The following CAPRIN1 variants were observed in gnomAD, a reference collection of about 807,000 sequenced individuals.
CAPRIN1 encodes the protein cell cycle associated protein 1, also known as caprin-1.
A neutral mutation model predicts 100.9 loss-of-function variants in CAPRIN1; 29 were observed. That is an observed-to-expected ratio of 0.29 (90% CI 0.21 to 0.39). The LOEUF is 0.39. Ranked by LOEUF, CAPRIN1 falls within the 10% of genes least tolerant of loss-of-function variation. The probability of loss-of-function intolerance (pLI) is 1.00; values close to 1 mark genes in which losing one functional copy is unlikely to be tolerated. For missense variants in CAPRIN1, 795 were observed against 876.7 expected (o/e 0.91, Z 1.18); for synonymous variants, 338 against 307.5 (o/e 1.10, Z -1.04).
chr11:34,096,745 T>G (rs1851374800), intron 16 of CAPRIN1, 72 bp downstream of exon 16: 1 of 1,198,958 alleles, frequency 8.3e-7, no homozygotes, highest in Non-Finnish European at 1.2e-6. Flanking sequence ...GTAAAATATA[T>G]CACACAGTTT....
In CAPRIN1 at chr11:34,101,899, CT is replaced by C. The variant is rs1172876050; in HGVS notation, c.*2536del. On this transcript the variant is annotated 3_prime_UTR_variant, in exon 19 of 19. Coordinates refer to ENST00000341394, the MANE Select transcript of CAPRIN1 (RefSeq NM_005898.5). ...GTGTAGCAAGCTCACATACAAAATA[CT>C]TTTGTATATGCATAATATAAATCAT... 1.3e-5 allele frequency among the ~76,000 whole-genome samples: 2 copies of C among 152,086 alleles called. No individual in the cohort carries two copies. Among genetic ancestry groups the C allele is most frequent in the African/African-American group, 2.4e-5 (1 of 41,422 alleles).
At position 34,082,989 on chromosome 11, in the gene CAPRIN1, TCAC is replaced by T. The variant is rs763988553; in HGVS notation, c.917_919del (p.Thr306del). The T allele has an allele frequency of 2.5e-6, 4 of 1,614,052 alleles. No homozygotes were observed. The African/African-American group carries it at 5.3e-5, about 22-fold the overall frequency. On this transcript the variant is annotated inframe_deletion, in exon 9 of 19. Transcript: ENST00000341394. Reference sequence around the variant, plus strand: ...AGACAGTTCATGGCAGAAACACAGTTCACCAGTGGTGAAAAGGAGCAGGTAGAT... The same window carrying T: ...AGACAGTTCATGGCAGAAACACAGTTCAGTGGTGAAAAGGAGCAGGTAGAT...
At chr11:34,090,729 T>C in intron 14 of CAPRIN1, 51 bp downstream of exon 14, 2 of 1,542,936 alleles carry the variant, frequency 1.3e-6, no homozygotes, top group Non-Finnish European at 1.8e-6. Flanking sequence ...TGAATCATGG[T>C]AGATTTTCTT....
intron 7 of CAPRIN1, among the ~76,000 whole-genome samples, chr11:34,081,947 T>C (rs1851040614): frequency 6.6e-6 from 1 of 150,938 alleles, no homozygotes; most frequent in Non-Finnish European, 1.5e-5. Context: ...CAGTAGCTGG[T>C]ATTACAGGCA....
intron 2 of CAPRIN1, among the ~76,000 whole-genome samples, chr11:34,062,624 CAAAAAAAAAA>C (rs36059851): frequency 9.9e-6 from 1 of 100,602 alleles, no homozygotes; most frequent in Non-Finnish European, 2.1e-5. Flanking sequence ...AACTCCGTCT[CAAAAAAAAAA>C]AAAAAAAAGG....
In CAPRIN1 at chr11:34,101,078, C is replaced by G. The variant is rs1292942231; in HGVS notation, c.*1711C>G. ...GATAGGCTGTTGAACATTCCACATTCAAAAGTTTTGTAGGGTGGTGGGAAA... is the reference window on the plus strand; with the variant it reads ...GATAGGCTGTTGAACATTCCACATTGAAAAGTTTTGTAGGGTGGTGGGAAA... On this transcript the variant is annotated 3_prime_UTR_variant, in exon 19 of 19. Transcript: ENST00000341394. 1 of 152,504 alleles carries G rather than the reference C, an allele frequency of 6.6e-6. No homozygotes were observed. Among genetic ancestry groups the G allele is most frequent in the Non-Finnish European group, 1.5e-5 (1 of 68,006 alleles). The allele number at this position is 152,504 out of a possible 1,614,324, so 9.4% of individuals were successfully genotyped here.
chr11:34,053,249 T>TCGCATGGGC, intron 2 of CAPRIN1: 2 of 631,744 alleles, frequency 3.2e-6, no homozygotes, highest in Non-Finnish European at 3.9e-6. Flanking sequence ...CCCGCGCCCA[T>TCGCATGGGC]GCGATGGGCT....
chr11:34,088,949 GTTTA>G (rs1194281668), intron 11 of CAPRIN1, among the ~76,000 whole-genome samples: 6 of 152,012 alleles, frequency 3.9e-5, no homozygotes, highest in African/African-American at 9.7e-5. Flanking sequence ...TTGCTAAAAA[GTTTA>G]TTTATGGTTT....
rs182538694 is a variant in CAPRIN1, at chr11:34,099,645, T to C, written c.*278T>C. The C allele has an allele frequency of 1.1e-3, 432 of 403,430 alleles. 2 individuals carry two copies. Among genetic ancestry groups the C allele is most frequent in the Non-Finnish European group, 1.4e-3 (311 of 224,350 alleles). The allele number at this position is 403,430 out of a possible 1,614,324, so 25.0% of individuals were successfully genotyped here. Reference sequence around the variant, plus strand: ...ACCCTTGCTTAGGAGTAAAACAATATACTTTACAGGGTGATAATAATCTCC... The same window carrying C: ...ACCCTTGCTTAGGAGTAAAACAATACACTTTACAGGGTGATAATAATCTCC... On this transcript the variant is annotated 3_prime_UTR_variant, in exon 19 of 19. Coordinates refer to ENST00000341394, the MANE Select transcript of CAPRIN1 (RefSeq NM_005898.5).
intron 2 of CAPRIN1, among the ~76,000 whole-genome samples, chr11:34,053,897 A>G (rs1225260824): frequency 5.3e-5 from 8 of 152,240 alleles, no homozygotes; most frequent in Non-Finnish European, 1.5e-5. Flanking sequence ...TTTACCTTAT[A>G]AAGTAAAATG....
In CAPRIN1 at chr11:34,090,276, T is replaced by C. The variant is rs200510548; in HGVS notation, c.1391T>C (p.Ile464Thr). 6 of 1,612,482 alleles carry C rather than the reference T, an allele frequency of 3.7e-6. No individual in the cohort carries two copies. In the Admixed American group the frequency reaches 8.3e-5, roughly 22 times the overall value. ...GAGCAACGACCACAGAAGGAACCAA[T>C]TGATCAGATTCAGGCAAGTTCTGTT... ...ATEQRPQKEP[I>T]DQIQATISLN... The change falls in exon 13 of 19, where the codon ATT (isoleucine) becomes ACT (threonine). Residue 464 changes from isoleucine to threonine, a missense_variant. This residue lies in a region of CAPRIN1 where 648 missense variants were observed against 697.9 expected (regional missense o/e 0.93). Coordinates refer to ENST00000341394, the MANE Select transcript of CAPRIN1 (RefSeq NM_005898.5).
intron 7 of CAPRIN1, 48 bp downstream of exon 7, chr11:34,079,813 T>G: frequency 6.4e-7 from 1 of 1,560,704 alleles, no homozygotes. Flanking sequence ...CTGGTTTTAT[T>G]TGATTTTGCT....
intron 4 of CAPRIN1, 127 bp from the exon 5 acceptor site, chr11:34,076,109 C>T: frequency 1.6e-6 from 1 of 635,912 alleles, no homozygotes; most frequent in Non-Finnish European, 2.7e-6. Context: ...AGGAATCATC[C>T]TTTTGTGTAT....
chr11:34,097,572 A>G lies in CAPRIN1; in HGVS notation c.2002-126A>G. ...AATTACAGAACAAGGTGTAGCTGTG[A>G]TAAACTGATACTGAAGTGTCTAAAA... On this transcript the variant is annotated intron_variant, in intron 17 of 18. Coordinates refer to ENST00000341394, the MANE Select transcript of CAPRIN1 (RefSeq NM_005898.5). 3 of 1,001,804 alleles carry G rather than the reference A, an allele frequency of 3.0e-6. No homozygotes were observed. The South Asian group carries it at 4.3e-5, about 14-fold the overall frequency. 62.1% of individuals were successfully genotyped at this position (1,001,804 alleles called of 1,614,324 possible). A position where few individuals can be genotyped will look rare whatever the true frequency, so the allele number is the denominator to read the frequency against.
intron 2 of CAPRIN1, chr11:34,053,189 G>A (rs561837364): frequency 2.4e-5 from 24 of 983,528 alleles, no homozygotes; most frequent in Non-Finnish European, 2.8e-5. Context: ...TCTTAAGGTA[G>A]AACTGCCTTT....
rs540739345 is a variant in CAPRIN1 at position 34,052,370 on chromosome 11, C to G, written c.1-51C>G. The G allele has an allele frequency of 1.2e-4, 176 of 1,460,870 alleles. 1 individual carries two copies. Among genetic ancestry groups the G allele is most frequent in the South Asian group, 8.9e-4 (77 of 86,276 alleles). 90.5% of individuals were successfully genotyped at this position (1,460,870 alleles called of 1,614,324 possible). A position where few individuals can be genotyped will look rare whatever the true frequency, so the allele number is the denominator to read the frequency against. On this transcript the variant is annotated intron_variant, in intron 1 of 18. Transcript: ENST00000341394. ...CTCGCCCCGTCCGTCTCCTGACTGG[C>G]CGCTCTTGTCCTTCCTCCCGCTTTT...
intron 2 of CAPRIN1, among the ~76,000 whole-genome samples, chr11:34,061,868 G>A (rs886547631): frequency 2.0e-5 from 3 of 150,840 alleles, no homozygotes; most frequent in African/African-American, 7.3e-5. Flanking sequence ...TTACCTGGGA[G>A]TCTGAGGCAG....
chr11:34,056,799 T>C (rs530953451), intron 2 of CAPRIN1, among the ~76,000 whole-genome samples: 1 of 152,360 alleles, frequency 6.6e-6, no homozygotes, highest in African/African-American at 2.4e-5. Flanking sequence ...AGGTTTAGAC[T>C]CTAGTGACTT....
chr11:34,090,025 T>G, intron 12 of CAPRIN1, 154 bp from the exon 13 acceptor site: 1 of 466,782 alleles, frequency 2.1e-6, no homozygotes, highest in Non-Finnish European at 3.8e-6. Context: ...AGGTTTTATA[T>G]TATACAAATT....
Sources: gnomAD v4.1 joint callset for allele counts (sites outside exome capture counted in the v4.1 genomes callset) on GRCh38, gnomAD v4.1.1 for gene constraint, gnomAD v4.1.1 regional missense constraint, MANE v1.5 for transcripts, NCBI Gene and HGNC (gene_info 2026-07-23, HGNC 2026-07-21) for gene names.